Variants in ZNF423 observed in about 807,000 individuals in gnomAD.
The protein encoded by ZNF423 is Ebf-associated zinc finger protein.
In ZNF423, 12 loss-of-function variants were observed where a neutral mutation model predicts 95.8. That is an observed-to-expected ratio of 0.13 (90% confidence interval 0.08 to 0.20). The LOEUF (loss-of-function observed/expected upper bound fraction) is 0.20. ZNF423 is among the 10% of genes least tolerant of loss of function. The pLI is 1.00. For synonymous variants in ZNF423, 749 were observed against 711.9 expected (o/e 1.05, Z -0.83); for missense variants, 1,316 against 1,737.1 (o/e 0.76, Z 4.31).
rs1434544300 is a variant in ZNF423 at position 49,674,353 on chromosome 16, A to G, written c.302-35479T>C. Reference sequence around the variant, plus strand: ...TGGTGTGTGTGTGTGCAGAGCACGCAGTGTGTTCTCGGCTGGGGAGCAGTC... The same window carrying G: ...TGGTGTGTGTGTGTGCAGAGCACGCGGTGTGTTCTCGGCTGGGGAGCAGTC... On this transcript the variant is annotated intron_variant, in intron 3 of 7. Transcript: ENST00000563137. Among the ~76,000 whole-genome samples, 7 of 152,142 alleles carry G rather than the reference A, an allele frequency of 4.6e-5. No homozygotes were observed. In the East Asian group the frequency reaches 1.3e-3, roughly 29 times the overall value.
rs928657487 is a variant in ZNF423 at position 49,603,703 on chromosome 16, C to G, written c.3601+22467G>C. Among the ~76,000 whole-genome samples the G allele has an allele frequency of 1.3e-5, 2 of 152,212 alleles. No homozygotes were observed. Among genetic ancestry groups the G allele is most frequent in the Non-Finnish European group, 2.9e-5 (2 of 68,040 alleles). On this transcript the variant is annotated intron_variant, in intron 5 of 7. Coordinates refer to ENST00000563137, the MANE Select transcript of ZNF423 (RefSeq NM_001379286.1). This position sits in a 1 kb window ranked among gnomAD's most constrained non-coding sequence, Gnocchi z 4.1. The stretch of plus-strand genomic sequence containing the variant: ...GGGATTATGGGTGTAAGCCACCATG[C>G]CCGGCCTAGAAATTCTTAATAATTT...
chr16:49,563,917 C>T (rs913930118), intron 5 of ZNF423, among the ~76,000 whole-genome samples: 12 of 152,258 alleles, frequency 7.9e-5, no homozygotes, highest in African/African-American at 2.9e-4. Context: ...GAGCTTATTT[C>T]CCACCATCTG....
intron 5 of ZNF423, among the ~76,000 whole-genome samples, chr16:49,623,221 G>C (rs1972144757): frequency 6.6e-6 from 1 of 152,210 alleles, no homozygotes; most frequent in Non-Finnish European, 1.5e-5. Flanking sequence ...CTCCAGGTCA[G>C]CTGACAGCGC....
rs775148580 is a variant in ZNF423 at position 49,531,049 on chromosome 16, C to T, written c.3602-5555G>A. Among the ~76,000 whole-genome samples the T allele has an allele frequency of 1.2e-4, 18 of 152,314 alleles. No individual in the cohort carries two copies. In the South Asian group the frequency reaches 2.1e-3, roughly 18 times the overall value. On this transcript the variant is annotated intron_variant, in intron 5 of 7. Coordinates refer to ENST00000563137, the MANE Select transcript of ZNF423 (RefSeq NM_001379286.1). ...GGGGTCCCCTCGCCAGCACAAGCGC[C>T]GGTTGGCAGCAGGGCTGGGGCTTTC...
intron 5 of ZNF423, among the ~76,000 whole-genome samples, chr16:49,608,283 C>T (rs1490351265): frequency 2.0e-5 from 3 of 152,138 alleles, no homozygotes; most frequent in Admixed American, 6.5e-5. Flanking sequence ...TTTACAACTG[C>T]CACCAACAGG....
At chr16:49,595,763 C>T (rs545188465) in intron 5 of ZNF423, among the ~76,000 whole-genome samples, 8 of 152,200 alleles carry the variant, frequency 5.3e-5, no homozygotes, top group African/African-American at 1.7e-4. Context: ...AGTATTTTGT[C>T]AATATTTTTT....
chr16:49,643,780 T>C (rs1023098260), intron 3 of ZNF423, among the ~76,000 whole-genome samples: 1 of 152,168 alleles, frequency 6.6e-6, no homozygotes, highest in Non-Finnish European at 1.5e-5. Flanking sequence ...TATGAGGCTT[T>C]TGCTGTCTGC....
chr16:49,704,807 C>T (rs2032300084), intron 3 of ZNF423, among the ~76,000 whole-genome samples: 1 of 152,138 alleles, frequency 6.6e-6, no homozygotes, highest in South Asian at 2.1e-4. Flanking sequence ...TCAAATATGG[C>T]TGCCAGAGCT....
chr16:49,798,979 C>T (rs1791804470), intron 1 of ZNF423, among the ~76,000 whole-genome samples: 1 of 152,194 alleles, frequency 6.6e-6, no homozygotes, highest in Admixed American at 6.5e-5. Flanking sequence ...GGAAAAGTGA[C>T]CCTTGCAGAA....
chr16:49,838,417 G>A (rs1013900124), intron 1 of ZNF423, among the ~76,000 whole-genome samples: 1 of 152,238 alleles, frequency 6.6e-6, no homozygotes, highest in African/African-American at 2.4e-5. Flanking sequence ...ATCAACGAGT[G>A]TTAAGTGCTC....
chr16:49,752,185 G>T (rs533153715), intron 2 of ZNF423, among the ~76,000 whole-genome samples: 2 of 152,236 alleles, frequency 1.3e-5, no homozygotes, highest in Non-Finnish European at 2.9e-5. Context: ...TGCCCGTGAC[G>T]TGGCCCAGGA....
At chr16:49,644,687 A>C (rs369131236) in intron 3 of ZNF423, among the ~76,000 whole-genome samples, 17,470 of 110,490 alleles carry the variant, frequency 0.16, 1,232 homozygotes, top group Admixed American at 0.18. Context: ...AAAAAAAAAA[A>C]AAAAAAAAAA....
intron 2 of ZNF423, among the ~76,000 whole-genome samples, chr16:49,731,742 C>A (rs967261371): frequency 6.6e-6 from 1 of 151,920 alleles, no homozygotes; most frequent in Admixed American, 6.6e-5. Context: ...ACCAGGAGTT[C>A]GAGGTTACGG....
intron 2 of ZNF423, among the ~76,000 whole-genome samples, chr16:49,765,161 G>T (rs1375006278): frequency 6.6e-6 from 1 of 152,074 alleles, no homozygotes; most frequent in African/African-American, 2.4e-5. Flanking sequence ...GTAACCCCAT[G>T]AGCCAGCAAT....
At chr16:49,592,752 C>T (rs192421313) in intron 5 of ZNF423, among the ~76,000 whole-genome samples, 72 of 152,330 alleles carry the variant, frequency 4.7e-4, no homozygotes, top group African/African-American at 1.7e-3. Context: ...GTGTGATGCC[C>T]CCACCTCTGC....
intron 3 of ZNF423, among the ~76,000 whole-genome samples, chr16:49,710,368 G>A (rs904497308): frequency 7.9e-5 from 12 of 152,160 alleles, no homozygotes; most frequent in African/African-American, 2.9e-4. Flanking sequence ...TGCATCCCCA[G>A]GGAGTTTGTA....
At chr16:49,712,312 G>A (rs1291079353) in intron 3 of ZNF423, among the ~76,000 whole-genome samples, 12 of 152,210 alleles carry the variant, frequency 7.9e-5, no homozygotes, top group Admixed American at 5.9e-4. Context: ...GGTGGGGCTC[G>A]CGTGCCTGAG....
chr16:49,579,826 G>A (rs1274762482), intron 5 of ZNF423, among the ~76,000 whole-genome samples: 1 of 152,178 alleles, frequency 6.6e-6, no homozygotes, highest in Non-Finnish European at 1.5e-5. Flanking sequence ...AGGGAGGGCT[G>A]GCAGAGGGTC....
chr16:49,812,588 G>C (rs888898327), intron 1 of ZNF423, among the ~76,000 whole-genome samples: 1 of 152,214 alleles, frequency 6.6e-6, no homozygotes, highest in South Asian at 2.1e-4. Flanking sequence ...GCTAAGGTGG[G>C]AGGATCTCCT....
Sources: gnomAD v4.1 joint callset for allele counts (sites outside exome capture counted in the v4.1 genomes callset) on GRCh38, gnomAD v4.1.1 for gene constraint, Gnocchi (gnomAD v3.1) non-coding constraint, MANE v1.5 for transcripts, NCBI Gene and HGNC (gene_info 2026-07-23, HGNC 2026-07-21) for gene names.